The following SAP130 variants were observed in gnomAD, a reference collection of about 807,000 sequenced individuals.
SAP130 encodes histone deacetylase complex subunit SAP130.
Under a neutral mutation model 103.2 loss-of-function variants are expected in SAP130, and 16 were observed. The observed-to-expected ratio is 0.16, with a 90% confidence interval of 0.10 to 0.24. The LOEUF (loss-of-function observed/expected upper bound fraction) is 0.24, where lower values mean the gene tolerates loss of function less well. Among genes scored for constraint, SAP130 ranks in the 10% least tolerant of loss-of-function variants. SAP130 has a pLI of 1.00. For missense variants in SAP130, 990 were observed against 1,359.7 expected, an observed-to-expected ratio of 0.73 and a Z score of 4.28; for synonymous variants, 477 against 497.0, an observed-to-expected ratio of 0.96 and a Z score of 0.53.
chr2:127,967,720 A>T (rs1680760624), intron 15 of SAP130, among the ~76,000 whole-genome samples: 2 of 152,164 alleles, frequency 1.3e-5, no homozygotes, highest in Non-Finnish European at 2.9e-5. Context: ...CAATAACCCC[A>T]CTTTCAATAA....
chr2:127,969,521 T>G (rs112185497), intron 15 of SAP130, among the ~76,000 whole-genome samples: 1 of 152,208 alleles, frequency 6.6e-6, no homozygotes, highest in African/African-American at 2.4e-5. Flanking sequence ...AGTTAAGACC[T>G]GTATTAGATT....
At chr2:128,019,820 G>A (rs1685030976) in intron 2 of SAP130, among the ~76,000 whole-genome samples, 1 of 152,004 alleles carries the variant, frequency 6.6e-6, no homozygotes, top group African/African-American at 2.4e-5. Flanking sequence ...CCGGGAGGTG[G>A]AGGTTGGGAG....
intron 18 of SAP130, among the ~76,000 whole-genome samples, chr2:127,947,616 C>T (rs1211686401): frequency 1.3e-5 from 2 of 152,060 alleles, no homozygotes; most frequent in African/African-American, 2.4e-5. Flanking sequence ...CCTGGTCAGC[C>T]GATTATCTTA....
At chr2:127,969,135 A>C (rs1477447342) in intron 15 of SAP130, among the ~76,000 whole-genome samples, 1 of 152,212 alleles carries the variant, frequency 6.6e-6, no homozygotes, top group East Asian at 1.9e-4. Context: ...GCCAATGCTA[A>C]ATGACTCAGT....
At chr2:127,959,643 T>C (rs886425570) in intron 15 of SAP130, among the ~76,000 whole-genome samples, 1 of 152,134 alleles carries the variant, frequency 6.6e-6, no homozygotes, top group Non-Finnish European at 1.5e-5. Flanking sequence ...ACTTAAAATG[T>C]CCAGTTCCAA....
At chr2:128,008,638 T>C (rs910905524) in intron 7 of SAP130, among the ~76,000 whole-genome samples, 1 of 151,154 alleles carries the variant, frequency 6.6e-6, no homozygotes, top group Non-Finnish European at 1.5e-5. Context: ...CCAAAAGCAC[T>C]GGGGTTACGG....
intron 15 of SAP130, among the ~76,000 whole-genome samples, chr2:127,961,277 T>C (rs1680227883): frequency 6.6e-6 from 1 of 150,668 alleles, no homozygotes; most frequent in African/African-American, 2.4e-5. Flanking sequence ...CAGCTGAGAC[T>C]ACAGGGGTGT....
chr2:128,013,215 G>A, intron 5 of SAP130, 61 bp from the exon 6 acceptor site: 1 of 1,454,156 alleles, frequency 6.9e-7, no homozygotes, highest in Non-Finnish European at 9.2e-7. Flanking sequence ...AAAATAATCA[G>A]TATGTTTCCC....
chr2:127,991,192 G>A (rs1403012090), intron 12 of SAP130, among the ~76,000 whole-genome samples: 1 of 152,062 alleles, frequency 6.6e-6, no homozygotes, highest in South Asian at 2.1e-4. Flanking sequence ...GGAGGTTGCA[G>A]TGAGCCAAGA....
In SAP130 at chr2:127,942,117, G is replaced by T; in HGVS notation, c.3063C>A (p.Ala1021=). ...CKLVMDQISE[A]RDSMLKVLDH... is the part of the protein sequence containing the mutation. The stretch of plus-strand genomic sequence containing the variant: ...CTAAAACCTTAAGCATGGAGTCTCT[G>T]GCTTCACTGATTTGATCCATCACAA... Residue 1021 remains alanine (A), a synonymous_variant, in exon 21 of 21, where the codon GCC becomes GCA. Coordinates refer to ENST00000643581, the MANE Select transcript of SAP130 (RefSeq NM_001330301.2). The surrounding 1 kb of genome is among the most constrained non-coding windows in gnomAD (Gnocchi z 4.8). 1 of 1,604,892 alleles carries T rather than the reference G, an allele frequency of 6.2e-7. No individual in the cohort carries two copies. Among genetic ancestry groups the T allele is most frequent in the Non-Finnish European group, 8.5e-7 (1 of 1,177,790 alleles).
chr2:128,020,489 T>C (rs1685078628), intron 2 of SAP130, among the ~76,000 whole-genome samples: 1 of 152,216 alleles, frequency 6.6e-6, no homozygotes, highest in African/African-American at 2.4e-5. Context: ...CAGCTGTAGA[T>C]CTTTCATTCT....
intron 19 of SAP130, among the ~76,000 whole-genome samples, chr2:127,945,145 G>A (rs1573613453): frequency 6.6e-6 from 1 of 152,084 alleles, no homozygotes; most frequent in Non-Finnish European, 1.5e-5. Flanking sequence ...AGGGACTCTC[G>A]GTTAGGCCGT....
At chr2:127,995,218 G>A (rs1255943857) in intron 11 of SAP130, among the ~76,000 whole-genome samples, 3 of 152,184 alleles carry the variant, frequency 2.0e-5, no homozygotes, top group African/African-American at 7.2e-5. Context: ...CAACAAGCAG[G>A]GCTAATGCCC....
intron 15 of SAP130, among the ~76,000 whole-genome samples, chr2:127,976,116 G>A (rs954715357): frequency 6.6e-6 from 1 of 152,172 alleles, no homozygotes; most frequent in African/African-American, 2.4e-5. Context: ...AAAGTTCTGG[G>A]ATTACAGGTG....
At chr2:127,997,840 G>A (rs1247136348) in intron 10 of SAP130, among the ~76,000 whole-genome samples, 1 of 152,216 alleles carries the variant, frequency 6.6e-6, no homozygotes, top group Non-Finnish European at 1.5e-5. Flanking sequence ...AAGGCTGGAT[G>A]CAGTGGCTCA....
chr2:128,015,968 T>A (rs1430307393), intron 4 of SAP130, among the ~76,000 whole-genome samples: 3 of 146,876 alleles, frequency 2.0e-5, no homozygotes, highest in Non-Finnish European at 4.5e-5. Flanking sequence ...AGTTTGGAAC[T>A]AGAGAGCTGC....
At chr2:128,002,050 C>T (rs1299717898) in intron 7 of SAP130, among the ~76,000 whole-genome samples, 1 of 152,032 alleles carries the variant, frequency 6.6e-6, no homozygotes, top group Non-Finnish European at 1.5e-5. Flanking sequence ...CCTTAGCCTC[C>T]TGAGTAGCTG....
intron 15 of SAP130, among the ~76,000 whole-genome samples, chr2:127,971,576 C>T (rs941185440): frequency 1.2e-4 from 19 of 152,086 alleles, no homozygotes; most frequent in Admixed American, 1.2e-3. Context: ...CATGAGCCAC[C>T]GTGCCCCGCC....
chr2:127,944,060 C>G (rs1678892217), intron 19 of SAP130, among the ~76,000 whole-genome samples: 1 of 151,936 alleles, frequency 6.6e-6, no homozygotes, highest in Admixed American at 6.6e-5. Context: ...TTGAGAGTGT[C>G]TTACTCTGTT....
Sources: allele counts gnomAD v4.1 joint callset (sites outside exome capture counted in the v4.1 genomes callset), GRCh38; gene constraint gnomAD v4.1.1; non-coding constraint Gnocchi (gnomAD v3.1); transcripts MANE v1.5; gene names NCBI Gene and HGNC (gene_info 2026-07-23, HGNC 2026-07-21).